Variants in MAP1B observed in about 807,000 individuals in gnomAD.
The protein encoded by MAP1B is microtubule associated protein 1B, also known as microtubule-associated protein 1B.
In MAP1B, 12 loss-of-function variants were observed where a neutral mutation model predicts 176.1. The observed-to-expected ratio is 0.07, with a 90% confidence interval of 0.04 to 0.11. MAP1B has a LOEUF of 0.11. Ranked by LOEUF, MAP1B falls within the 10% of genes least tolerant of loss-of-function variation. The pLI, the probability that MAP1B is intolerant of heterozygous loss-of-function variation, is 1.00. For synonymous variants in MAP1B, 1,044 were observed against 1,135.0 expected, an observed-to-expected ratio of 0.92 and a Z score of 1.61; for missense variants, 2,523 against 2,990.5, an observed-to-expected ratio of 0.84 and a Z score of 3.65.
chr5:72,132,286 AT>A (rs930320763), intron 2 of MAP1B, among the ~76,000 whole-genome samples: 1 of 152,114 alleles, frequency 6.6e-6, no homozygotes, highest in African/African-American at 2.4e-5. Flanking sequence ...AGATACAAGT[AT>A]TTTTCATTAA....
intron 2 of MAP1B, among the ~76,000 whole-genome samples, chr5:72,130,446 G>T (rs995312012): frequency 6.6e-6 from 1 of 152,204 alleles, no homozygotes; most frequent in Non-Finnish European, 1.5e-5. Context: ...GAATGATGAG[G>T]TGTCATAGGC....
chr5:72,197,466 G>A lies in MAP1B; in HGVS notation c.4111G>A (p.Glu1371Lys). 1 of 1,614,186 alleles carries A rather than the reference G, an allele frequency of 6.2e-7. No individual in the cohort carries two copies. The highest frequency in any genetic ancestry group is 8.5e-7 in the Non-Finnish European group (1 of 1,180,038). ...VSFEFSDAKDENERASVSPMD... is the reference protein window; with the variant it reads ...VSFEFSDAKDKNERASVSPMD... ...TTTTGAATTCAGTGATGCCAAAGAT[G>A]AGAATGAAAGGGCTTCAGTAAGCCC... The change falls in exon 5 of 7, where the codon GAG (glutamate) becomes AAG (lysine). Residue 1371 changes from glutamate (E) to lysine (K), a missense_variant. Physicochemically the swap from Glu to Lys is moderately conservative, Grantham distance 56. Around this residue, in one of 4 missense-constraint regions of MAP1B, gnomAD observed 1,925 missense variants for 2,126.0 expected, o/e 0.91. Transcript: ENST00000296755.
chr5:72,178,475 G>C (rs1746695611), intron 2 of MAP1B, among the ~76,000 whole-genome samples: 1 of 152,200 alleles, frequency 6.6e-6, no homozygotes, highest in Non-Finnish European at 1.5e-5. Flanking sequence ...GCAGGGGGCT[G>C]GAAGTAGTTG....
intron 2 of MAP1B, among the ~76,000 whole-genome samples, chr5:72,143,853 A>G (rs1206033069): frequency 6.6e-6 from 1 of 151,996 alleles, no homozygotes; most frequent in Admixed American, 6.5e-5. Flanking sequence ...TGCCCAGCTA[A>G]TTTATTTATT....
In MAP1B at chr5:72,205,306, C is replaced by G; in HGVS notation, c.*67C>G. ...CAGAAATTCTTCAATTTGAAATCAC[C>G]TTTTCTAAAAAGTCAATTCATCTAG... is the stretch of plus-strand genomic sequence containing the variant. On this transcript the variant is annotated 3_prime_UTR_variant, in exon 7 of 7. Transcript: ENST00000296755. The G allele has an allele frequency of 6.6e-7, 1 of 1,523,610 alleles. No homozygotes were observed. The highest frequency in any genetic ancestry group is 8.9e-7 in the Non-Finnish European group (1 of 1,118,708). The allele number at this position is 1,523,610 out of a possible 1,614,324, so 94.4% of individuals were successfully genotyped here.
At chr5:72,107,807 C>A in intron 1 of MAP1B, 92 bp downstream of exon 1, 1 of 1,349,984 alleles carries the variant, frequency 7.4e-7, no homozygotes. Flanking sequence ...TCCTCCCGCG[C>A]GCCCCGCACC....
At chr5:72,151,892 T>C (rs901473407) in intron 2 of MAP1B, among the ~76,000 whole-genome samples, 2 of 152,228 alleles carry the variant, frequency 1.3e-5, no homozygotes, top group Non-Finnish European at 2.9e-5. Context: ...ATTTTTATTT[T>C]TAGATAACTT....
chr5:72,203,645 C>A lies in MAP1B; in HGVS notation c.7095C>A (p.Asn2365Lys). 6.2e-7 allele frequency: 1 copy of A among 1,614,186 alleles called. No homozygotes were observed. ...ATTTGGACCTGTGCTACATTCCTAA[C>A]CACAGCAATAGTAAGAATGTTGATG... is the stretch of plus-strand genomic sequence containing the variant. ...PVYLDLCYIP[N>K]HSNSKNVDVE... is the part of the protein sequence containing the mutation. Residue 2365 changes from asparagine (N) to lysine (K), a missense_variant, in exon 6 of 7, where the codon AAC becomes AAA. Coordinates refer to ENST00000296755, the MANE Select transcript of MAP1B (RefSeq NM_005909.5).
At chr5:72,140,720 G>T (rs1345034575) in intron 2 of MAP1B, among the ~76,000 whole-genome samples, 1 of 152,184 alleles carries the variant, frequency 6.6e-6, no homozygotes, top group East Asian at 1.9e-4. Context: ...ATCTGAAAGA[G>T]GTAAAACTGT....
intron 2 of MAP1B, chr5:72,179,535 C>A: frequency 2.6e-6 from 2 of 779,568 alleles, no homozygotes; most frequent in Non-Finnish European, 3.1e-6. Flanking sequence ...CAGCCGCCTG[C>A]GCTGAGAACC....
chr5:72,125,902 CAT>C (rs1332892708), intron 2 of MAP1B, among the ~76,000 whole-genome samples: 4 of 147,436 alleles, frequency 2.7e-5, no homozygotes, highest in Admixed American at 2.7e-4. Context: ...CTTCTGAAAT[CAT>C]GTGAGAACAA....
At chr5:72,181,327 C>A (rs1157606067) in intron 2 of MAP1B, among the ~76,000 whole-genome samples, 1 of 151,824 alleles carries the variant, frequency 6.6e-6, no homozygotes, top group Non-Finnish European at 1.5e-5. Context: ...GGAAAAAGAA[C>A]CAGTGTATCC....
chr5:72,179,503 A>G, intron 2 of MAP1B: 1 of 471,342 alleles, frequency 2.1e-6, no homozygotes. Context: ...CATTCCCCAA[A>G]TATGCAACTT....
At chr5:72,153,904 A>T (rs1746185907) in intron 2 of MAP1B, among the ~76,000 whole-genome samples, 1 of 143,552 alleles carries the variant, frequency 7.0e-6, no homozygotes, top group African/African-American at 2.6e-5. Flanking sequence ...ATGTTCATTT[A>T]AAAAAAAAAT....
intron 5 of MAP1B, among the ~76,000 whole-genome samples, chr5:72,201,009 C>T (rs1747323409): frequency 1.3e-5 from 2 of 152,118 alleles, no homozygotes; most frequent in African/African-American, 4.8e-5. Context: ...TGGCTCTGCT[C>T]TTACCCTTCT....
Position 72,107,481 on chromosome 5 carries a change from G to A in MAP1B, c.-51G>A, listed in dbSNP as rs761426166. ...GATAATCCTTTCTCCTGCCGCAGTG[G>A]AGAGGAGCGGCCGGAGCGAGACACT... On this transcript the variant is annotated 5_prime_UTR_variant, in exon 1 of 7. Coordinates refer to ENST00000296755, the MANE Select transcript of MAP1B (RefSeq NM_005909.5). The A allele has an allele frequency of 3.4e-6, 5 of 1,473,662 alleles. No homozygotes were observed. Among genetic ancestry groups the A allele is most frequent in the African/African-American group, 2.8e-5 (2 of 71,224 alleles). The allele number at this position is 1,473,662 out of a possible 1,614,324, so 91.3% of individuals were successfully genotyped here. A position where few individuals can be genotyped will look rare whatever the true frequency, so the allele number is the denominator to read the frequency against.
At position 72,198,283 on chromosome 5, in the gene MAP1B, C is replaced by A; in HGVS notation, c.4928C>A (p.Ser1643Tyr). 2 of 1,614,200 alleles carry A rather than the reference C, an allele frequency of 1.2e-6. No individual in the cohort carries two copies. The highest frequency in any genetic ancestry group is 1.7e-6 in the Non-Finnish European group (2 of 1,180,030). Residue 1643 changes from serine to tyrosine, a missense_variant, in exon 5 of 7, where the codon TCC (serine) becomes TAC (tyrosine). By Grantham distance (144) the Ser-to-Tyr change is moderately radical (BLOSUM62 -2). Transcript: ENST00000296755. ...GTTCAAGATCACAGATCTGAACAGT[C>A]CTCAATGTCTATTGAATTTGGCCAA... Reference protein sequence around the residue: ...TPVQDHRSEQSSMSIEFGQES... With the variant: ...TPVQDHRSEQYSMSIEFGQES...
At chr5:72,140,190 T>C (rs984969472) in intron 2 of MAP1B, among the ~76,000 whole-genome samples, 4 of 152,142 alleles carry the variant, frequency 2.6e-5, no homozygotes, top group Admixed American at 2.6e-4. Flanking sequence ...CTTGAACTCC[T>C]GGGCTCAAGC....
chr5:72,183,859 GC>G, intron 3 of MAP1B, 34 bp downstream of exon 3: 1 of 1,588,138 alleles, frequency 6.3e-7, no homozygotes, highest in Non-Finnish European at 8.6e-7. Context: ...CTGGGGCCGG[GC>G]CCCACACACT....
Sources: allele counts gnomAD v4.1 joint callset (sites outside exome capture counted in the v4.1 genomes callset), GRCh38; gene constraint gnomAD v4.1.1; regional missense constraint gnomAD v4.1.1; transcripts MANE v1.5; gene names NCBI Gene and HGNC (gene_info 2026-07-23, HGNC 2026-07-21).